Variants in BCAS3 observed in about 807,000 individuals in gnomAD.
The protein encoded by BCAS3 is BCAS4/BCAS3 fusion.
BCAS3 carries 53 observed loss-of-function variants against 116.1 expected under a neutral mutation model. The ratio of observed to expected loss-of-function variants is 0.46; its 90% CI spans 0.37 to 0.57. BCAS3 has a LOEUF of 0.57. BCAS3 is among the 20% of genes least tolerant of loss of function. BCAS3 has a pLI of 0.00. For synonymous variants in BCAS3, 391 were observed against 408.2 expected (o/e 0.96, Z 0.51); for missense variants, 917 against 1,165.4 (o/e 0.79, Z 3.10).
At chr17:61,094,208 A>G (rs1281588344) in intron 22 of BCAS3, among the ~76,000 whole-genome samples, 1 of 152,206 alleles carries the variant, frequency 6.6e-6, no homozygotes, top group Admixed American at 6.5e-5. Flanking sequence ...AAAAATCATC[A>G]ACTTTAATTT....
chr17:61,040,605 T>C (rs1600688815), intron 18 of BCAS3, among the ~76,000 whole-genome samples, 187 bp from the exon 19 acceptor site: 1 of 152,216 alleles, frequency 6.6e-6, no homozygotes, highest in Non-Finnish European at 1.5e-5. Context: ...GCCACCTTTT[T>C]ATTTTTTCTA....
At chr17:60,749,288 G>A (rs1459341580) in intron 6 of BCAS3, among the ~76,000 whole-genome samples, 1 of 152,144 alleles carries the variant, frequency 6.6e-6, no homozygotes, top group Non-Finnish European at 1.5e-5. Flanking sequence ...TCAGAATTTC[G>A]AAGGCATTGG....
At chr17:61,042,819 G>A (rs1387564185) in intron 19 of BCAS3, among the ~76,000 whole-genome samples, 1 of 149,774 alleles carries the variant, frequency 6.7e-6, no homozygotes, top group African/African-American at 2.5e-5. Flanking sequence ...GAACCCGGGA[G>A]GTGGAGGTTG....
chr17:61,172,501 G>A (rs1420558298), intron 22 of BCAS3, among the ~76,000 whole-genome samples: 1 of 151,230 alleles, frequency 6.6e-6, no homozygotes, highest in Non-Finnish European at 1.5e-5. Flanking sequence ...GCCGGGCTTA[G>A]TGGCTGGCGC....
At chr17:60,942,019 A>G (rs2145226295) in intron 13 of BCAS3, among the ~76,000 whole-genome samples, 1 of 152,266 alleles carries the variant, frequency 6.6e-6, no homozygotes, top group Non-Finnish European at 1.5e-5. Flanking sequence ...TGGAGTCAGA[A>G]GATAGTAGTG....
chr17:60,842,228 C>G (rs1280252119), intron 7 of BCAS3, among the ~76,000 whole-genome samples: 3 of 151,994 alleles, frequency 2.0e-5, no homozygotes, highest in Non-Finnish European at 4.4e-5. Context: ...TAGGTATATC[C>G]TACCACTGCT....
chr17:61,374,061 C>G (rs2059204938), intron 23 of BCAS3, among the ~76,000 whole-genome samples: 1 of 150,182 alleles, frequency 6.7e-6, no homozygotes, highest in African/African-American at 2.5e-5. Context: ...AGTGATCTGC[C>G]CACCTCAGCC....
chr17:60,773,804 T>C (rs915757810), intron 6 of BCAS3, among the ~76,000 whole-genome samples: 1 of 152,132 alleles, frequency 6.6e-6, no homozygotes, highest in Admixed American at 6.5e-5. Context: ...CACGCCACCA[T>C]GCCTGGCTAA....
chr17:61,042,891 C>CCAAAAAAAA (rs1555682922), intron 19 of BCAS3, among the ~76,000 whole-genome samples: 1 of 58,290 alleles, frequency 1.7e-5, no homozygotes, highest in African/African-American at 5.5e-5. Flanking sequence ...CTCCATCTCA[C>CCAAAAAAAA]AAAAAAAAAA....
rs1201916840 is a variant in BCAS3 at position 61,128,239 on chromosome 17, A to G, written c.2425+43675A>G. ...AGTACATGAAGATGAAGCCCATGCA[A>G]TGAGGACAGCCTAGGCCGTGTTAGG... On this transcript the variant is annotated intron_variant, in intron 22 of 23. Transcript: ENST00000407086. This position sits in a 1 kb window ranked among gnomAD's most constrained non-coding sequence, Gnocchi z 4.1. The G allele has an allele frequency of 9.1e-6, 9 of 985,300 alleles. No individual in the cohort carries two copies. Among genetic ancestry groups the G allele is most frequent in the South Asian group, 9.4e-5 (2 of 21,296 alleles). The allele number at this position is 985,300 out of a possible 1,614,324, so 61.0% of individuals were successfully genotyped here.
chr17:61,070,663 A>G (rs2071342034), intron 19 of BCAS3, among the ~76,000 whole-genome samples: 1 of 152,080 alleles, frequency 6.6e-6, no homozygotes, highest in Admixed American at 6.6e-5. Flanking sequence ...GCATTTGAGA[A>G]TGAATTTTAA....
chr17:61,196,896 A>G lies in BCAS3; in HGVS notation c.2425+112332A>G, dbSNP rs1014366683. 6.6e-6 allele frequency among the ~76,000 whole-genome samples: 1 copy of G among 152,220 alleles called. No homozygotes were observed. Among genetic ancestry groups the G allele is most frequent in the African/African-American group, 2.4e-5 (1 of 41,450 alleles). On this transcript the variant is annotated intron_variant, in intron 22 of 23. Coordinates refer to ENST00000407086, the MANE Select transcript of BCAS3 (RefSeq NM_017679.5). This position sits in a 1 kb window ranked among gnomAD's most constrained non-coding sequence, Gnocchi z 4.7. ...AGATTGAAGAACCGGTCTCAGATTT[A>G]TGTCCTGTTTACATCTCCCAAACAC...
intron 5 of BCAS3, among the ~76,000 whole-genome samples, chr17:60,726,281 G>C (rs1421425563): frequency 7.2e-6 from 1 of 138,150 alleles, no homozygotes; most frequent in Non-Finnish European, 1.5e-5. Flanking sequence ...GCTCACTGCA[G>C]CCTCCACCTC....
rs559133275 is a variant in BCAS3, at chr17:61,217,745, C to G, written c.2425+133181C>G. Among the ~76,000 whole-genome samples, 1 of 152,352 alleles carries G rather than the reference C, an allele frequency of 6.6e-6. No homozygotes were observed. Among genetic ancestry groups the G allele is most frequent in the Admixed American group, 6.5e-5 (1 of 15,302 alleles). On this transcript the variant is annotated intron_variant, in intron 22 of 23. Coordinates refer to ENST00000407086, the MANE Select transcript of BCAS3 (RefSeq NM_017679.5). The surrounding 1 kb of genome is among the most constrained non-coding windows in gnomAD (Gnocchi z 5.2). The stretch of plus-strand genomic sequence containing the variant: ...AGAAACATTATTCTTGATCCCGTAA[C>G]ATCCCACACTGCTTTGCTTCTACTC...
At chr17:60,680,148 A>AG (rs1021769041) in intron 2 of BCAS3, among the ~76,000 whole-genome samples, 25 of 151,260 alleles carry the variant, frequency 1.7e-4, no homozygotes, top group Non-Finnish European at 3.4e-4. Context: ...AAAAAAAAAA[A>AG]AAAGAAAGAA....
At position 60,711,701 on chromosome 17, in the gene BCAS3, A is replaced by G. The variant is rs979126789; in HGVS notation, c.321+2376A>G. Among the ~76,000 whole-genome samples the G allele has an allele frequency of 5.5e-5, 8 of 146,596 alleles. No homozygotes were observed. The East Asian group carries it at 7.8e-4, about 14-fold the overall frequency. On this transcript the variant is annotated intron_variant, in intron 5 of 23. Coordinates refer to ENST00000407086, the MANE Select transcript of BCAS3 (RefSeq NM_017679.5). ...AGATTATATTTTGAGAGACTTGAAT[A>G]ATTTTTTTTTTGATAGAATTTTCTT...
intron 22 of BCAS3, among the ~76,000 whole-genome samples, chr17:61,270,491 A>T (rs1341179386): frequency 2.6e-5 from 4 of 151,884 alleles, no homozygotes; most frequent in Non-Finnish European, 5.9e-5. Context: ...TACATTCTGG[A>T]TGCTGCCCCT....
Position 61,204,572 on chromosome 17 carries a change from A to G in BCAS3, c.2425+120008A>G, listed in dbSNP as rs1049477732. On this transcript the variant is annotated intron_variant, in intron 22 of 23. Transcript: ENST00000407086. The surrounding 1 kb of genome is among the most constrained non-coding windows in gnomAD (Gnocchi z 4.2). Reference sequence around the variant, plus strand: ...TCATCATTGTAACTTTCTTAAAAACAGAATTTATAGCCCCTTTATTAAATA... The same window carrying G: ...TCATCATTGTAACTTTCTTAAAAACGGAATTTATAGCCCCTTTATTAAATA... 6.6e-6 allele frequency among the ~76,000 whole-genome samples: 1 copy of G among 152,230 alleles called. No individual in the cohort carries two copies. The highest frequency in any genetic ancestry group is 2.4e-5 in the African/African-American group (1 of 41,460).
chr17:61,085,379 A>G (rs1279200333), intron 22 of BCAS3, among the ~76,000 whole-genome samples: 1 of 152,238 alleles, frequency 6.6e-6, no homozygotes, highest in African/African-American at 2.4e-5. Flanking sequence ...ATTTTAATCT[A>G]TAGCGATTTC....
Sources: allele counts gnomAD v4.1 joint callset (sites outside exome capture counted in the v4.1 genomes callset), GRCh38; gene constraint gnomAD v4.1.1; non-coding constraint Gnocchi (gnomAD v3.1); transcripts MANE v1.5; gene names NCBI Gene and HGNC (gene_info 2026-07-23, HGNC 2026-07-21).